FRK: variants seen among roughly 807,000 people sequenced by gnomAD.
The protein encoded by FRK is fyn related Src family tyrosine kinase.
FRK carries 51 observed loss-of-function variants against 56.4 expected under a neutral mutation model. The observed-to-expected ratio is 0.90, with a 90% CI of 0.72 to 1.14. The LOEUF (loss-of-function observed/expected upper bound fraction) is 1.14. FRK is among the 50% of genes most tolerant of loss of function. The pLI is 0.00. For missense variants in FRK, 570 were observed against 601.4 expected (o/e 0.95, Z 0.55); for synonymous variants, 245 against 217.9 (o/e 1.12, Z -1.10).
Position 115,967,606 on chromosome 6 carries a change from T to C in FRK, c.744A>G (p.Val248=), listed in dbSNP as rs768299301. The C allele has an allele frequency of 5.0e-6, 8 of 1,613,886 alleles. No homozygotes were observed. The highest frequency in any genetic ancestry group is 1.7e-5 in the Admixed American group (1 of 60,000). Residue 248 remains valine, a synonymous_variant, in exon 4 of 8, where the codon GTA becomes GTG. Transcript: ENST00000606080. ...TGGTATTGTTCCACAGACCTTCCCA[T>C]ACTTCGCCAAACTGACCAGATCCCA... ...KRLGSGQFGE[V]WEGLWNNTTP...
intron 2 of FRK, among the ~76,000 whole-genome samples, chr6:115,979,736 C>T (rs1774128470): frequency 6.6e-6 from 1 of 152,046 alleles, no homozygotes; most frequent in Non-Finnish European, 1.5e-5. Flanking sequence ...GTTACTGTGT[C>T]GCTTATATGT....
intron 2 of FRK, among the ~76,000 whole-genome samples, chr6:115,984,966 G>A (rs546253212): frequency 1.3e-5 from 2 of 152,196 alleles, no homozygotes; most frequent in African/African-American, 4.8e-5. Context: ...ACATCCTTGT[G>A]GGTGGAATAC....
In FRK at chr6:116,039,340, AT is replaced by A. The variant is rs1776623695; in HGVS notation, c.344+20627del. 4.9e-6 allele frequency: 7 copies of A among 1,422,408 alleles called. No homozygotes were observed. The African/African-American group carries it at 9.9e-5, about 20-fold the overall frequency. 88.1% of individuals were successfully genotyped at this position (1,422,408 alleles called of 1,614,324 possible). On this transcript the variant is annotated intron_variant, in intron 1 of 7. Transcript: ENST00000606080. Reference sequence around the variant, plus strand: ...CTGAGAATGGTGTCCAACATCTCTGATGTGGTGGCTCAGAGCACCCGTATCC... The same window carrying A: ...CTGAGAATGGTGTCCAACATCTCTGAGTGGTGGCTCAGAGCACCCGTATCC...
intron 1 of FRK, among the ~76,000 whole-genome samples, chr6:116,054,166 T>C (rs1777286246): frequency 6.6e-6 from 1 of 151,394 alleles, no homozygotes; most frequent in Admixed American, 6.6e-5. Context: ...TCAAATAATA[T>C]TATACCTGAG....
At position 115,956,434 on chromosome 6, in the gene FRK, A is replaced by G. The variant is rs1187015824; in HGVS notation, c.958+18T>C. On this transcript the variant is annotated intron_variant, in intron 5 of 7. Coordinates refer to ENST00000606080, the MANE Select transcript of FRK (RefSeq NM_002031.3). Reference sequence around the variant, plus strand: ...ATTAAATTCCTCTTTTTTTCCTTGTATTAAGTCTTTAGCTTACTTTGGAGA... The same window carrying G: ...ATTAAATTCCTCTTTTTTTCCTTGTGTTAAGTCTTTAGCTTACTTTGGAGA... 1.4e-5 allele frequency: 21 copies of G among 1,482,050 alleles called. No individual in the cohort carries two copies. The highest frequency in any genetic ancestry group is 1.7e-5 in the Non-Finnish European group (19 of 1,113,254). 91.8% of individuals were successfully genotyped at this position (1,482,050 alleles called of 1,614,324 possible).
At chr6:116,006,372 T>G (rs1364310099) in intron 1 of FRK, among the ~76,000 whole-genome samples, 1 of 152,220 alleles carries the variant, frequency 6.6e-6, no homozygotes, top group African/African-American at 2.4e-5. Context: ...TTTAAAATGC[T>G]AACATTATTA....
At chr6:116,022,700 A>T (rs1206540277) in intron 1 of FRK, among the ~76,000 whole-genome samples, 1 of 152,176 alleles carries the variant, frequency 6.6e-6, no homozygotes, top group East Asian at 1.9e-4. Context: ...TTCACCTAAC[A>T]TCATACTCAA....
At chr6:116,007,785 C>A (rs1048991861) in intron 1 of FRK, among the ~76,000 whole-genome samples, 1 of 152,062 alleles carries the variant, frequency 6.6e-6, no homozygotes, top group African/African-American at 2.4e-5. Flanking sequence ...AATCTTCAAC[C>A]ATCCAGGCAA....
At chr6:115,946,837 T>C (rs917466507) in intron 5 of FRK, among the ~76,000 whole-genome samples, 1 of 151,254 alleles carries the variant, frequency 6.6e-6, no homozygotes, top group Non-Finnish European at 1.5e-5. Flanking sequence ...ATAGTCAAAT[T>C]CTACAAGTAA....
rs114681605 is a variant in FRK, at chr6:116,025,192, A to C, written c.345-21194T>G. Among the ~76,000 whole-genome samples the C allele has an allele frequency of 8.3e-3, 1,257 of 152,298 alleles. 19 individuals are homozygous for C. Among genetic ancestry groups the C allele is most frequent in the African/African-American group, 0.029 (1,207 of 41,562 alleles). On this transcript the variant is annotated intron_variant, in intron 1 of 7. Coordinates refer to ENST00000606080, the MANE Select transcript of FRK (RefSeq NM_002031.3). ...AGATCTGTCAAAAGATACCACATAG[A>C]CTGCCATTGCTTCTTTGTTTAGAAA...
chr6:115,967,150 C>G (rs1773611530), intron 4 of FRK, among the ~76,000 whole-genome samples: 1 of 152,256 alleles, frequency 6.6e-6, no homozygotes, highest in Non-Finnish European at 1.5e-5. Context: ...TGCCTTTTAA[C>G]CATACAAAAT....
Position 115,933,768 on chromosome 6 carries a change from A to G in FRK, c.*8646T>C, listed in dbSNP as rs1403927233. 1.3e-5 allele frequency: 2 copies of G among 152,222 alleles called. No homozygotes were observed. Among genetic ancestry groups the G allele is most frequent in the Non-Finnish European group, 2.9e-5 (2 of 68,036 alleles). 9.4% of individuals were successfully genotyped at this position (152,222 alleles called of 1,614,324 possible). On this transcript the variant is annotated 3_prime_UTR_variant, in exon 8 of 8. Transcript: ENST00000606080. ...AAAAGGAACTATTTTCTTTCCATTT[A>G]TGCTAACTGGTTATTTATAATTTAC...
At chr6:116,061,733 T>G (rs976927999), upstream of FRK, among the ~76,000 whole-genome samples, 1 of 152,184 alleles carries the variant, frequency 6.6e-6, no homozygotes, top group Non-Finnish European at 1.5e-5. Context: ...TTTATACTAG[T>G]AGACAGCATT....
At chr6:115,945,379 T>C (rs1176938989) in intron 5 of FRK, among the ~76,000 whole-genome samples, 1 of 152,112 alleles carries the variant, frequency 6.6e-6, no homozygotes, top group Admixed American at 6.6e-5. Flanking sequence ...CATCTGTTAT[T>C]TTTTTACTTT....
At chr6:115,978,632 A>G (rs545896742) in intron 2 of FRK, among the ~76,000 whole-genome samples, 1 of 152,320 alleles carries the variant, frequency 6.6e-6, no homozygotes, top group African/African-American at 2.4e-5. Context: ...TGTTTCAGTC[A>G]ACAACAGCCT....
the FRK span, among the ~76,000 whole-genome samples, chr6:116,083,650 G>A: frequency 0.18 from 27,087 of 151,984 alleles, 2,880 homozygotes; most frequent in African/African-American, 0.29. Flanking sequence ...AGTATTTCTC[G>A]AGTGGGACCC....
chr6:116,083,342 G>A, the FRK span, among the ~76,000 whole-genome samples: 1 of 152,070 alleles, frequency 6.6e-6, no homozygotes, highest in African/African-American at 2.4e-5. Context: ...AAGGGGAGCA[G>A]AGAAGCAAGT....
rs559485502 is a variant in FRK, at chr6:115,934,053, C to G, written c.*8361G>C. 6.6e-6 allele frequency: 1 copy of G among 151,966 alleles called. No individual in the cohort carries two copies. Among genetic ancestry groups the G allele is most frequent in the Non-Finnish European group, 1.5e-5 (1 of 67,986 alleles). The allele number at this position is 151,966 out of a possible 1,614,324, so 9.4% of individuals were successfully genotyped here. A position where few individuals can be genotyped will look rare whatever the true frequency, so the allele number is the denominator to read the frequency against. Reference sequence around the variant, plus strand: ...ACAAAAAAATAAATATATACACACTCAACATACCCGCATGTATATATTTAG... The same window carrying G: ...ACAAAAAAATAAATATATACACACTGAACATACCCGCATGTATATATTTAG... On this transcript the variant is annotated 3_prime_UTR_variant, in exon 8 of 8. Coordinates refer to ENST00000606080, the MANE Select transcript of FRK (RefSeq NM_002031.3).
In FRK at chr6:115,939,465, T is replaced by C. The variant is rs1410451568; in HGVS notation, c.*2949A>G. 6.6e-6 allele frequency: 1 copy of C among 152,092 alleles called. No individual in the cohort carries two copies. Among genetic ancestry groups the C allele is most frequent in the Non-Finnish European group, 1.5e-5 (1 of 68,020 alleles). The allele number at this position is 152,092 out of a possible 1,614,324, so 9.4% of individuals were successfully genotyped here. A position where few individuals can be genotyped will look rare whatever the true frequency, so the allele number is the denominator to read the frequency against. On this transcript the variant is annotated 3_prime_UTR_variant, in exon 8 of 8. Coordinates refer to ENST00000606080, the MANE Select transcript of FRK (RefSeq NM_002031.3). ...CTCACCACTCCTGTTCAAAATAGTATTGAAAGTTCTGGCCAGGGCAATCAG... is the reference window on the plus strand; with the variant it reads ...CTCACCACTCCTGTTCAAAATAGTACTGAAAGTTCTGGCCAGGGCAATCAG...
Sources: allele counts gnomAD v4.1 joint callset (sites outside exome capture counted in the v4.1 genomes callset), GRCh38; gene constraint gnomAD v4.1.1; transcripts MANE v1.5; gene names NCBI Gene and HGNC (gene_info 2026-07-23, HGNC 2026-07-21).